Variants in ABCA13 observed in about 807,000 individuals in gnomAD.
ABCA13 encodes the protein ATP-binding cassette sub-family A member 13.
In ABCA13, 476 loss-of-function variants were observed where a neutral mutation model predicts 478.7. That is an observed-to-expected ratio of 0.99 (90% CI 0.92 to 1.07). The LOEUF is 1.07. Ranked by LOEUF, ABCA13 falls within the 50% of genes least tolerant of loss-of-function variation. ABCA13 has a pLI of 0.00. For missense variants in ABCA13, 6,060 were observed against 5,910.6 expected (o/e 1.03, Z -0.83); for synonymous variants, 2,252 against 2,158.9 (o/e 1.04, Z -1.20).
At chr7:48,339,693 G>A (rs1806822217) in intron 29 of ABCA13, among the ~76,000 whole-genome samples, 1 of 152,230 alleles carries the variant, frequency 6.6e-6, no homozygotes, top group Non-Finnish European at 1.5e-5. Context: ...CACAGAATAT[G>A]AGATTCACAT....
chr7:48,349,204 C>G (rs1337127330), intron 29 of ABCA13, among the ~76,000 whole-genome samples: 1 of 152,220 alleles, frequency 6.6e-6, no homozygotes, highest in African/African-American at 2.4e-5. Flanking sequence ...GCTTAATTAT[C>G]AGAAATCCAG....
At chr7:48,558,945 T>G (rs1786154420) in intron 55 of ABCA13, among the ~76,000 whole-genome samples, 1 of 152,224 alleles carries the variant, frequency 6.6e-6, no homozygotes, top group South Asian at 2.1e-4. Flanking sequence ...GCTGGGCTAC[T>G]GTCATAGTGG....
intron 59 of ABCA13, among the ~76,000 whole-genome samples, chr7:48,640,978 T>A (rs1795062713): frequency 6.6e-6 from 1 of 152,202 alleles, no homozygotes; most frequent in African/African-American, 2.4e-5. Flanking sequence ...TTACTTTTTG[T>A]TTAATTTCTG....
intron 15 of ABCA13, among the ~76,000 whole-genome samples, chr7:48,264,740 C>A: frequency 6.6e-6 from 1 of 151,598 alleles, no homozygotes; most frequent in East Asian, 1.9e-4. Context: ...TTTCATTCTT[C>A]TTAACAAAGT....
intron 3 of ABCA13, among the ~76,000 whole-genome samples, chr7:48,214,414 C>T (rs1195875586): frequency 6.6e-6 from 1 of 152,164 alleles, no homozygotes; most frequent in Non-Finnish European, 1.5e-5. Flanking sequence ...GTGTTAGCCC[C>T]TAACAAGAGA....
intron 55 of ABCA13, among the ~76,000 whole-genome samples, chr7:48,550,259 A>G (rs766666725): frequency 2.3e-5 from 3 of 131,904 alleles, no homozygotes; most frequent in South Asian, 2.3e-4. Context: ...TGAAGTCTCT[A>G]TTTTTCTTTT....
intron 59 of ABCA13, chr7:48,627,093 A>G (rs971802373): frequency 5.2e-6 from 5 of 965,302 alleles, no homozygotes; most frequent in Non-Finnish European, 6.2e-6. Flanking sequence ...GCAATTTGCC[A>G]AATGCTTTCT....
At chr7:48,404,847 GTTTC>G (rs1251313743) in intron 39 of ABCA13, among the ~76,000 whole-genome samples, 9 of 152,308 alleles carry the variant, frequency 5.9e-5, no homozygotes, top group African/African-American at 2.2e-4. Context: ...AGATCAATCT[GTTTC>G]TTTCTGTCCC....
Position 48,546,814 on chromosome 7 carries a change from A to G in ABCA13, c.14354+18469A>G, listed in dbSNP as rs573800929. Among the ~76,000 whole-genome samples the G allele has an allele frequency of 2.0e-5, 3 of 151,820 alleles. No individual in the cohort carries two copies. In the South Asian group the frequency reaches 6.2e-4, roughly 32 times the overall value. ...GCTTCATATAAACCAATGCACTACC[A>G]ATATATACAAAAAGACATGGAACTC... On this transcript the variant is annotated intron_variant, in intron 55 of 61. Coordinates refer to ENST00000435803, the MANE Select transcript of ABCA13 (RefSeq NM_152701.5).
intron 41 of ABCA13, among the ~76,000 whole-genome samples, chr7:48,415,054 C>A (rs1819790829): frequency 6.6e-6 from 1 of 152,152 alleles, no homozygotes; most frequent in Non-Finnish European, 1.5e-5. Context: ...CCCTTTTCCC[C>A]AGATTGCATG....
intron 31 of ABCA13, among the ~76,000 whole-genome samples, chr7:48,367,314 A>G (rs1811831419): frequency 6.6e-6 from 1 of 152,188 alleles, no homozygotes; most frequent in Admixed American, 6.6e-5. Flanking sequence ...TCAAGTGTAT[A>G]TTAGAAATGG....
chr7:48,466,867 C>G (rs1374298564), intron 43 of ABCA13, 89 bp from the exon 44 acceptor site: 1 of 1,242,256 alleles, frequency 8.0e-7, no homozygotes, highest in East Asian at 2.3e-5. Flanking sequence ...GACTAGGGCA[C>G]AATGTGAGGT....
chr7:48,318,225 C>T (rs1170840739), intron 27 of ABCA13, among the ~76,000 whole-genome samples: 2 of 152,228 alleles, frequency 1.3e-5, no homozygotes, highest in Non-Finnish European at 2.9e-5. Context: ...TGTGAGGTCA[C>T]AGCACTGTTT....
chr7:48,316,592 G>A (rs1407133529), intron 26 of ABCA13, among the ~76,000 whole-genome samples: 1 of 152,156 alleles, frequency 6.6e-6, no homozygotes, highest in Non-Finnish European at 1.5e-5. Context: ...GGTTTATTTG[G>A]TGTTGCTATA....
At chr7:48,606,077 C>T (rs1396859353) in intron 58 of ABCA13, among the ~76,000 whole-genome samples, 1 of 152,150 alleles carries the variant, frequency 6.6e-6, no homozygotes, top group African/African-American at 2.4e-5. Flanking sequence ...CATTTATATT[C>T]TTCTCTACAC....
intron 48 of ABCA13, among the ~76,000 whole-genome samples, chr7:48,499,525 A>G (rs759038620): frequency 1.1e-3 from 172 of 152,244 alleles, no homozygotes; most frequent in Non-Finnish European, 1.9e-3. Context: ...ATTTTTACCA[A>G]TGACAAATAA....
In ABCA13 at chr7:48,508,109, A is replaced by G. The variant is rs1020229739; in HGVS notation, c.13524+60A>G. ...CAATAGTGATCTAAATAGTGCGTGT[A>G]TGGAGGGATGGAGGGGGGCATTGGG... On this transcript the variant is annotated intron_variant, in intron 50 of 61. Transcript: ENST00000435803. The G allele has an allele frequency of 8.6e-5, 137 of 1,601,096 alleles. 1 individual carries two copies. The African/African-American group carries it at 1.7e-3, about 20-fold the overall frequency.
chr7:48,177,308 A>G (rs779779565), intron 1 of ABCA13, among the ~76,000 whole-genome samples: 5 of 152,188 alleles, frequency 3.3e-5, no homozygotes, highest in African/African-American at 7.2e-5. Context: ...GATCTCTCTC[A>G]TAGTCAGGTT....
chr7:48,281,488 C>T (rs1401090587), intron 19 of ABCA13, 36 bp downstream of exon 19: 2 of 1,537,940 alleles, frequency 1.3e-6, no homozygotes, highest in Non-Finnish European at 1.8e-6. Context: ...CTGCAATTGC[C>T]CTGTGCCAGT....
Sources: allele counts gnomAD v4.1 joint callset (sites outside exome capture counted in the v4.1 genomes callset), GRCh38; gene constraint gnomAD v4.1.1; transcripts MANE v1.5; gene names NCBI Gene and HGNC (gene_info 2026-07-23, HGNC 2026-07-21).